Variants in CCSER1 observed in about 807,000 individuals in gnomAD.
CCSER1 encodes the protein coiled-coil serine rich protein 1.
Under a neutral mutation model 82.0 loss-of-function variants are expected in CCSER1, and 41 were observed. The ratio of observed to expected loss-of-function variants is 0.50; its 90% CI spans 0.39 to 0.65. The LOEUF (loss-of-function observed/expected upper bound fraction) is 0.65, where lower values mean the gene tolerates loss of function less well. CCSER1 is among the 30% of genes least tolerant of loss of function. The probability of loss-of-function intolerance (pLI) is 0.00; values close to 1 mark genes in which losing one functional copy is unlikely to be tolerated. For synonymous variants in CCSER1, 414 were observed against 383.9 expected, an observed-to-expected ratio of 1.08 and a Z score of -0.92; for missense variants, 1,119 against 1,064.2, an observed-to-expected ratio of 1.05 and a Z score of -0.72.
intron 10 of CCSER1, among the ~76,000 whole-genome samples, chr4:91,469,058 G>GA (rs149703153): frequency 1.3e-5 from 2 of 152,178 alleles, no homozygotes; most frequent in African/African-American, 4.8e-5. Context: ...ATAAGTAGTG[G>GA]AAAATTAATT....
chr4:91,112,245 C>T (rs1026514815), intron 10 of CCSER1, among the ~76,000 whole-genome samples: 4 of 152,022 alleles, frequency 2.6e-5, no homozygotes, highest in African/African-American at 9.7e-5. Context: ...TGAATAATGA[C>T]GTTTCCTAAA....
intron 6 of CCSER1, among the ~76,000 whole-genome samples, chr4:90,644,499 G>C (rs1727136382): frequency 6.6e-6 from 1 of 151,940 alleles, no homozygotes; most frequent in South Asian, 2.1e-4. Flanking sequence ...CAGGATATAT[G>C]TGCAGAACAT....
At chr4:91,066,967 C>T (rs1720883901) in intron 9 of CCSER1, among the ~76,000 whole-genome samples, 1 of 151,820 alleles carries the variant, frequency 6.6e-6, no homozygotes, top group African/African-American at 2.4e-5. Context: ...AGATCAAAAC[C>T]ATCCTGGCTA....
intron 5 of CCSER1, among the ~76,000 whole-genome samples, chr4:90,494,714 A>G (rs1286584860): frequency 2.0e-5 from 3 of 152,208 alleles, no homozygotes. Context: ...TTTATTGAAG[A>G]CTACCTATTT....
intron 10 of CCSER1, among the ~76,000 whole-genome samples, chr4:91,164,664 C>G (rs1731835470): frequency 6.6e-6 from 1 of 152,116 alleles, no homozygotes; most frequent in African/African-American, 2.4e-5. Context: ...TCTCTTCTCA[C>G]TTCATTTCAT....
chr4:90,913,684 G>A (rs1726804994), intron 8 of CCSER1, among the ~76,000 whole-genome samples: 1 of 152,120 alleles, frequency 6.6e-6, no homozygotes, highest in African/African-American at 2.4e-5. Context: ...CCAACTGAAA[G>A]ACACAGCCTG....
intron 8 of CCSER1, among the ~76,000 whole-genome samples, chr4:90,858,813 G>A (rs1157058526): frequency 1.3e-5 from 2 of 151,902 alleles, no homozygotes; most frequent in African/African-American, 4.8e-5. Context: ...CTTAGGAAAT[G>A]ATTCTGCCCT....
At chr4:91,089,142 A>G (rs1202968076) in intron 10 of CCSER1, among the ~76,000 whole-genome samples, 1 of 152,208 alleles carries the variant, frequency 6.6e-6, no homozygotes, top group African/African-American at 2.4e-5. Flanking sequence ...TTGAGGGCTC[A>G]TAACACTAAA....
At chr4:90,686,707 T>C (rs762614297) in intron 6 of CCSER1, among the ~76,000 whole-genome samples, 3 of 152,076 alleles carry the variant, frequency 2.0e-5, no homozygotes, top group Non-Finnish European at 4.4e-5. Flanking sequence ...TCTGTCAGTT[T>C]CCCAAATGGG....
intron 6 of CCSER1, among the ~76,000 whole-genome samples, chr4:90,710,378 G>A (rs899021155): frequency 2.0e-4 from 30 of 151,912 alleles, no homozygotes; most frequent in African/African-American, 7.0e-4. Flanking sequence ...AATTGCTTTT[G>A]GTATTTTTAT....
At chr4:90,300,782 T>TG (rs1213055370) in intron 1 of CCSER1, among the ~76,000 whole-genome samples, 3 of 152,180 alleles carry the variant, frequency 2.0e-5, no homozygotes, top group Admixed American at 2.0e-4. Flanking sequence ...CCTGCAGGAC[T>TG]GTTTTATGCT....
At chr4:91,486,311 G>A (rs1464518970) in intron 10 of CCSER1, among the ~76,000 whole-genome samples, 1 of 151,934 alleles carries the variant, frequency 6.6e-6, no homozygotes, top group African/African-American at 2.4e-5. Context: ...AAAAAAATTA[G>A]CATGTAGTCC....
chr4:90,130,999 TGTTA>T (rs770248744), intron 1 of CCSER1, among the ~76,000 whole-genome samples: 37 of 152,008 alleles, frequency 2.4e-4, no homozygotes, highest in Non-Finnish European at 4.3e-4. Context: ...TCTTTTTGTT[TGTTA>T]GTTTGTTTTT....
intron 9 of CCSER1, among the ~76,000 whole-genome samples, chr4:91,039,674 G>C (rs1036090514): frequency 1.3e-5 from 2 of 148,622 alleles, no homozygotes; most frequent in Non-Finnish European, 3.0e-5. Context: ...TTTATAATGA[G>C]TATATGTATG....
At chr4:90,134,166 C>T (rs1023632267) in intron 1 of CCSER1, among the ~76,000 whole-genome samples, 3 of 152,032 alleles carry the variant, frequency 2.0e-5, no homozygotes, top group South Asian at 2.1e-4. Flanking sequence ...ATGAGGAAAC[C>T]GAGTCTCTGT....
chr4:90,898,245 C>T (rs772694404), intron 8 of CCSER1, among the ~76,000 whole-genome samples: 34 of 118,034 alleles, frequency 2.9e-4, no homozygotes, highest in East Asian at 2.2e-4. Context: ...AGTTTGAGGC[C>T]TTACTTTTAA....
At chr4:90,616,035 C>G (rs1239641987) in intron 5 of CCSER1, among the ~76,000 whole-genome samples, 1 of 152,150 alleles carries the variant, frequency 6.6e-6, no homozygotes, top group African/African-American at 2.4e-5. Flanking sequence ...AAGATTAGGA[C>G]TCATTGAAAG....
At position 90,522,353 on chromosome 4, in the gene CCSER1, T is replaced by C. The variant is rs115226588; in HGVS notation, c.1724+53999T>C. On this transcript the variant is annotated intron_variant, in intron 5 of 10. Transcript: ENST00000509176. ...CTCTTCTAATCAGAGCTGTTATGTGTCACAGCTTTAGGTCACATATTTATC... is the reference window on the plus strand; with the variant it reads ...CTCTTCTAATCAGAGCTGTTATGTGCCACAGCTTTAGGTCACATATTTATC... Among the ~76,000 whole-genome samples, 1,152 of 152,296 alleles carry C rather than the reference T, an allele frequency of 7.6e-3. 6 individuals carry two copies. The highest frequency in any genetic ancestry group is 0.019 in the African/African-American group (782 of 41,578).
intron 9 of CCSER1, among the ~76,000 whole-genome samples, chr4:90,957,155 T>A (rs1733536857): frequency 7.5e-6 from 1 of 132,536 alleles, no homozygotes; most frequent in Non-Finnish European, 1.5e-5. Context: ...CAGGCTGGAG[T>A]GCAGTGGCGC....
Sources: gnomAD v4.1 joint callset for allele counts (sites outside exome capture counted in the v4.1 genomes callset) on GRCh38, gnomAD v4.1.1 for gene constraint, MANE v1.5 for transcripts, NCBI Gene and HGNC (gene_info 2026-07-23, HGNC 2026-07-21) for gene names.